LMX1A: variants seen among roughly 807,000 people sequenced by gnomAD.
LMX1A encodes LIM homeobox transcription factor 1-alpha.
In LMX1A, 15 loss-of-function variants were observed where a neutral mutation model predicts 49.1. The observed-to-expected ratio is 0.31, with a 90% CI of 0.20 to 0.47. The LOEUF (loss-of-function observed/expected upper bound fraction) is 0.47, where lower values mean the gene tolerates loss of function less well. Among genes scored for constraint, LMX1A ranks in the 20% least tolerant of loss-of-function variants. The pLI, the probability that LMX1A is intolerant of heterozygous loss-of-function variation, is 1.00. For missense variants in LMX1A, 372 were observed against 475.8 expected, an observed-to-expected ratio of 0.78 and a Z score of 2.03; for synonymous variants, 167 against 185.7, an observed-to-expected ratio of 0.90 and a Z score of 0.82.
At chr1:165,350,173 C>CA (rs60150264) in intron 3 of LMX1A, among the ~76,000 whole-genome samples, 1,102 of 80,038 alleles carry the variant, frequency 0.014, 8 homozygotes, top group South Asian at 0.028. Context: ...AAAGATCCAC[C>CA]AAAAAAAAAA....
intron 3 of LMX1A, among the ~76,000 whole-genome samples, chr1:165,316,297 A>G (rs1403214540): frequency 6.6e-6 from 1 of 152,132 alleles, no homozygotes; most frequent in Non-Finnish European, 1.5e-5. Context: ...ACATGCTGAG[A>G]GCTTACCACG....
At chr1:165,268,116 G>A (rs546346362) in intron 3 of LMX1A, among the ~76,000 whole-genome samples, 2 of 152,186 alleles carry the variant, frequency 1.3e-5, no homozygotes, top group African/African-American at 4.8e-5. Flanking sequence ...AGGGGAACTA[G>A]GGCACTTGTG....
intron 3 of LMX1A, among the ~76,000 whole-genome samples, chr1:165,347,062 G>A (rs1656268617): frequency 6.6e-6 from 1 of 152,200 alleles, no homozygotes; most frequent in African/African-American, 2.4e-5. Flanking sequence ...AATTTTAGTT[G>A]TGATAAAATA....
At chr1:165,266,595 C>CTTTTTTTTTTT (rs61551654) in intron 3 of LMX1A, among the ~76,000 whole-genome samples, 115 of 79,174 alleles carry the variant, frequency 1.5e-3, no homozygotes, top group Non-Finnish European at 1.5e-3. Flanking sequence ...TTCTTTCTTT[C>CTTTTTTTTTTT]TTTTTTTTTT....
chr1:165,290,441 C>CGTGTGTGT (rs34305063), intron 3 of LMX1A, among the ~76,000 whole-genome samples: 39 of 149,968 alleles, frequency 2.6e-4, no homozygotes, highest in African/African-American at 9.0e-4. Context: ...ACATTGCCTT[C>CGTGTGTGT]GTGTGTGTGT....
At chr1:165,302,812 G>A (rs1654817312) in intron 3 of LMX1A, among the ~76,000 whole-genome samples, 1 of 152,144 alleles carries the variant, frequency 6.6e-6, no homozygotes. Flanking sequence ...TTTCTCTCTA[G>A]GTATGTGAGG....
chr1:165,242,663 T>C (rs1451895032), intron 4 of LMX1A, among the ~76,000 whole-genome samples: 1 of 151,128 alleles, frequency 6.6e-6, no homozygotes, highest in African/African-American at 2.4e-5. Context: ...GATCATGAGG[T>C]CAGGAGATCA....
chr1:165,337,290 C>T (rs1655926766), intron 3 of LMX1A, among the ~76,000 whole-genome samples: 1 of 152,066 alleles, frequency 6.6e-6, no homozygotes, highest in Admixed American at 6.6e-5. Context: ...AATTTTAGAG[C>T]ATAGAGAAAA....
chr1:165,225,310 T>C (rs571231208), intron 4 of LMX1A, among the ~76,000 whole-genome samples: 2 of 152,336 alleles, frequency 1.3e-5, no homozygotes, highest in East Asian at 3.9e-4. Flanking sequence ...ATAAATACTG[T>C]TTGCAAGGAA....
intron 3 of LMX1A, among the ~76,000 whole-genome samples, chr1:165,295,778 C>G (rs2101719925): frequency 6.6e-6 from 1 of 152,238 alleles, no homozygotes; most frequent in East Asian, 1.9e-4. Flanking sequence ...ACTGGCAGGT[C>G]TCAGTCACAT....
chr1:165,203,760 C>G lies in LMX1A; in HGVS notation c.*120G>C. 1 of 792,390 alleles carries G rather than the reference C, an allele frequency of 1.3e-6. No homozygotes were observed. The highest frequency in any genetic ancestry group is 2.5e-4 in the Middle Eastern group (1 of 4,008). 49.1% of individuals were successfully genotyped at this position (792,390 alleles called of 1,614,324 possible). ...ACCATATCATTATACAACAGCATCC[C>G]CAACAAAACTCCCTCCCCAACCCAC... On this transcript the variant is annotated 3_prime_UTR_variant, in exon 9 of 9. Coordinates refer to ENST00000342310, the MANE Select transcript of LMX1A (RefSeq NM_177398.4).
chr1:165,353,805 A>T (rs1656507596), intron 2 of LMX1A, among the ~76,000 whole-genome samples: 1 of 152,208 alleles, frequency 6.6e-6, no homozygotes, highest in African/African-American at 2.4e-5. Flanking sequence ...AGCAAACCTA[A>T]TATTATTCAA....
intron 3 of LMX1A, among the ~76,000 whole-genome samples, chr1:165,271,144 C>T (rs539549271): frequency 6.6e-6 from 1 of 152,204 alleles, no homozygotes; most frequent in Non-Finnish European, 1.5e-5. Context: ...ACATGTGGTC[C>T]TGTTATGGCC....
At chr1:165,318,097 C>G (rs1655275512) in intron 3 of LMX1A, among the ~76,000 whole-genome samples, 1 of 152,218 alleles carries the variant, frequency 6.6e-6, no homozygotes, top group African/African-American at 2.4e-5. Flanking sequence ...TTAGCACTTT[C>G]TTTTCCCCTT....
chr1:165,279,050 CCAAAATT>C (rs1654055826), intron 3 of LMX1A, among the ~76,000 whole-genome samples: 1 of 152,174 alleles, frequency 6.6e-6, no homozygotes, highest in Admixed American at 6.5e-5. Context: ...TTGGAGGAGT[CCAAAATT>C]TAAAGTTAAA....
At chr1:165,349,720 G>C (rs1393455523) in intron 3 of LMX1A, among the ~76,000 whole-genome samples, 1 of 152,154 alleles carries the variant, frequency 6.6e-6, no homozygotes, top group East Asian at 1.9e-4. Flanking sequence ...GCATAGTTGT[G>C]TGTGCAAGAC....
intron 3 of LMX1A, among the ~76,000 whole-genome samples, chr1:165,265,609 A>C (rs141101094): frequency 2.0e-5 from 3 of 152,340 alleles, no homozygotes; most frequent in Admixed American, 6.5e-5. Flanking sequence ...ACACACTGGC[A>C]TCAACCTCCA....
intron 3 of LMX1A, among the ~76,000 whole-genome samples, chr1:165,283,889 A>G (rs138923683): frequency 1.5e-3 from 233 of 152,324 alleles, no homozygotes; most frequent in African/African-American, 5.4e-3. Flanking sequence ...TCACAAGCCT[A>G]TGCTTACTTT....
At chr1:165,209,584 G>T (rs969626766) in intron 6 of LMX1A, among the ~76,000 whole-genome samples, 1 of 152,182 alleles carries the variant, frequency 6.6e-6, no homozygotes, top group African/African-American at 2.4e-5. Context: ...AAAAGGATGG[G>T]GATAGAGAGC....
Sources: allele counts gnomAD v4.1 joint callset (sites outside exome capture counted in the v4.1 genomes callset), GRCh38; gene constraint gnomAD v4.1.1; transcripts MANE v1.5; gene names NCBI Gene and HGNC (gene_info 2026-07-23, HGNC 2026-07-21).